Variants in PDE4D observed in about 807,000 individuals in gnomAD.
PDE4D encodes phosphodiesterase 4D, also known as 3',5'-cyclic-AMP phosphodiesterase 4D.
A neutral mutation model predicts 87.4 loss-of-function variants in PDE4D; 24 were observed. The ratio of observed to expected loss-of-function variants is 0.27; its 90% CI spans 0.20 to 0.39. PDE4D has a LOEUF of 0.39. Ranked by LOEUF, PDE4D falls within the 10% of genes least tolerant of loss-of-function variation. PDE4D has a pLI of 1.00. For missense variants in PDE4D, 714 were observed against 1,041.0 expected, an observed-to-expected ratio of 0.69 and a Z score of 4.32; for synonymous variants, 384 against 383.2, an observed-to-expected ratio of 1.00 and a Z score of -0.02.
chr5:60,047,046 C>T (rs1305993815), intron 2 of PDE4D, among the ~76,000 whole-genome samples: 2 of 152,110 alleles, frequency 1.3e-5, no homozygotes, highest in East Asian at 1.9e-4. Context: ...AATTTCAGAG[C>T]CTGTTATTGG....
chr5:59,419,888 C>A (rs1794203594), intron 1 of PDE4D, among the ~76,000 whole-genome samples: 1 of 152,056 alleles, frequency 6.6e-6, no homozygotes, highest in Non-Finnish European at 1.5e-5. Context: ...CTTGAATCAC[C>A]CAATGTAAGG....
chr5:59,664,104 C>T (rs1407034313), intron 1 of PDE4D, among the ~76,000 whole-genome samples: 1 of 152,128 alleles, frequency 6.6e-6, no homozygotes, highest in African/African-American at 2.4e-5. Flanking sequence ...AGTTTTCATG[C>T]TAATATCAAC....
intron 1 of PDE4D, among the ~76,000 whole-genome samples, chr5:59,690,955 A>G (rs1038632409): frequency 6.6e-6 from 1 of 152,274 alleles, no homozygotes; most frequent in African/African-American, 2.4e-5. Context: ...TGCAGCCAAC[A>G]GACACATGAA....
intron 1 of PDE4D, among the ~76,000 whole-genome samples, chr5:59,411,929 CTCT>C (rs1401282978): frequency 1.3e-5 from 2 of 152,174 alleles, no homozygotes; most frequent in Non-Finnish European, 2.9e-5. Context: ...TGAAATAGCA[CTCT>C]TTTCATTAAT....
chr5:60,422,510 C>G (rs1198394278), intron 1 of PDE4D, among the ~76,000 whole-genome samples: 1 of 152,078 alleles, frequency 6.6e-6, no homozygotes, highest in South Asian at 2.1e-4. Context: ...ATTTTGTCAC[C>G]ACAAGGCCTG....
At chr5:59,710,605 A>G (rs1561519586) in intron 1 of PDE4D, among the ~76,000 whole-genome samples, 1 of 149,736 alleles carries the variant, frequency 6.7e-6, no homozygotes, top group Admixed American at 6.6e-5. Flanking sequence ...AATAGTAAGA[A>G]ACAGTCTGAT....
intron 1 of PDE4D, among the ~76,000 whole-genome samples, chr5:60,415,388 T>C (rs1742405234): frequency 6.6e-6 from 1 of 152,236 alleles, no homozygotes; most frequent in Non-Finnish European, 1.5e-5. Context: ...TCCCCTGCAC[T>C]GTGGGAGCCC....
chr5:59,180,370 G>T, intron 5 of PDE4D: 1 of 698,470 alleles, frequency 1.4e-6, no homozygotes, highest in Non-Finnish European at 2.6e-6. Flanking sequence ...TAGTTAAATG[G>T]TTAAAAATAA....
At chr5:60,147,309 C>T (rs982724603) in intron 2 of PDE4D, among the ~76,000 whole-genome samples, 1 of 152,134 alleles carries the variant, frequency 6.6e-6, no homozygotes, top group African/African-American at 2.4e-5. Flanking sequence ...TTTGTTTCAA[C>T]AGACAGGTCG....
At chr5:59,082,577 A>G (rs928753382) in intron 5 of PDE4D, among the ~76,000 whole-genome samples, 12 of 152,172 alleles carry the variant, frequency 7.9e-5, no homozygotes, top group African/African-American at 2.9e-4. Context: ...GATCCTATTC[A>G]TAATAGTAAT....
intron 1 of PDE4D, among the ~76,000 whole-genome samples, chr5:59,674,025 G>A (rs1747654125): frequency 6.6e-6 from 1 of 152,086 alleles, no homozygotes; most frequent in Admixed American, 6.6e-5. Flanking sequence ...ACTTAAAAAT[G>A]CTTCATTTTA....
intron 1 of PDE4D, among the ~76,000 whole-genome samples, chr5:59,792,568 C>T (rs946309788): frequency 1.1e-4 from 17 of 152,030 alleles, no homozygotes; most frequent in African/African-American, 4.1e-4. Context: ...ATCCAGCTGG[C>T]ATAGAGGTTT....
intron 1 of PDE4D, among the ~76,000 whole-genome samples, chr5:59,311,583 T>C (rs1772659690): frequency 6.6e-6 from 1 of 150,954 alleles, no homozygotes; most frequent in Admixed American, 6.6e-5. Context: ...TACTCTTCCC[T>C]GTTCTGTCTT....
chr5:60,097,105 G>A (rs2149322786), intron 2 of PDE4D, among the ~76,000 whole-genome samples: 1 of 152,068 alleles, frequency 6.6e-6, no homozygotes, highest in South Asian at 2.1e-4. Context: ...AAATGAATAT[G>A]ATCTAGTCAT....
intron 1 of PDE4D, among the ~76,000 whole-genome samples, chr5:59,560,346 C>T (rs1819752976): frequency 1.3e-5 from 2 of 152,128 alleles, no homozygotes; most frequent in South Asian, 4.1e-4. Flanking sequence ...GTGAGAAAAA[C>T]ATACTGTCCT....
At chr5:59,821,120 C>A (rs1769594410) in intron 1 of PDE4D, among the ~76,000 whole-genome samples, 1 of 152,036 alleles carries the variant, frequency 6.6e-6, no homozygotes, top group South Asian at 2.1e-4. Flanking sequence ...GTAGTCCCAG[C>A]TACTTGGGAG....
At position 59,721,739 on chromosome 5, in the gene PDE4D, G is replaced by C. The variant is rs145846698; in HGVS notation, c.455+171429C>G. Among the ~76,000 whole-genome samples, 308 of 152,200 alleles carry C rather than the reference G, an allele frequency of 2.0e-3. 1 individual carries two copies. Among genetic ancestry groups the C allele is most frequent in the African/African-American group, 6.8e-3 (281 of 41,540 alleles). ...TAATTTTTGAAATAATTAGGTCAGA[G>C]TCCTGCATAAAAGATGCTACTATAA... On this transcript the variant is annotated intron_variant, in intron 1 of 14. Coordinates refer to ENST00000340635, the MANE Select transcript of PDE4D (RefSeq NM_001104631.2).
intron 1 of PDE4D, among the ~76,000 whole-genome samples, chr5:59,756,885 C>T (rs982342836): frequency 4.6e-5 from 7 of 150,872 alleles, no homozygotes; most frequent in African/African-American, 1.2e-4. Flanking sequence ...GCAACCTCCG[C>T]CTCCTAGGTT....
At chr5:59,201,856 C>T (rs1224258704) in intron 2 of PDE4D, among the ~76,000 whole-genome samples, 1 of 152,002 alleles carries the variant, frequency 6.6e-6, no homozygotes, top group African/African-American at 2.4e-5. Context: ...TTCAATTTGG[C>T]AAGAATGTCC....
Sources: gnomAD v4.1 joint callset for allele counts (sites outside exome capture counted in the v4.1 genomes callset) on GRCh38, gnomAD v4.1.1 for gene constraint, MANE v1.5 for transcripts, NCBI Gene and HGNC (gene_info 2026-07-23, HGNC 2026-07-21) for gene names.